The following CALD1 variants were observed in gnomAD, a reference collection of about 807,000 sequenced individuals.
CALD1 encodes caldesmon 1, also known as caldesmon.
A neutral mutation model predicts 99.9 loss-of-function variants in CALD1; 33 were observed. The observed-to-expected ratio is 0.33, with a 90% CI of 0.25 to 0.44. The LOEUF (loss-of-function observed/expected upper bound fraction) is 0.44. Ranked by LOEUF, CALD1 falls within the 20% of genes least tolerant of loss-of-function variation. The pLI, the probability that CALD1 is intolerant of heterozygous loss-of-function variation, is 1.00. For synonymous variants in CALD1, 310 were observed against 325.0 expected (o/e 0.95, Z 0.50); for missense variants, 861 against 962.1 (o/e 0.89, Z 1.39).
intron 1 of CALD1, chr7:134,744,421 ATTTAT>A (rs1006322592): frequency 4.7e-5 from 7 of 150,030 alleles, no homozygotes; most frequent in Non-Finnish European, 5.9e-5. Flanking sequence ...GGTTTTAAAC[ATTTAT>A]TTTATTTTTT....
chr7:134,899,623 T>C (rs4732067), intron 3 of CALD1, among the ~76,000 whole-genome samples: 18,358 of 141,354 alleles, frequency 0.13, 1,297 homozygotes, highest in East Asian at 0.3. Flanking sequence ...TGTCTGTTTA[T>C]TGATCTTTCT....
At chr7:134,855,490 A>C (rs1449338345) in intron 2 of CALD1, among the ~76,000 whole-genome samples, 1 of 152,256 alleles carries the variant, frequency 6.6e-6, no homozygotes, top group African/African-American at 2.4e-5. Context: ...AACATTCCCA[A>C]AGAAACAAAG....
At chr7:134,911,735 C>T (rs560989122) in intron 3 of CALD1, among the ~76,000 whole-genome samples, 5 of 152,280 alleles carry the variant, frequency 3.3e-5, no homozygotes, top group South Asian at 2.1e-4. Context: ...TGTTTTAATG[C>T]CATATGCCTT....
At chr7:134,894,087 C>A (rs78446325) in intron 3 of CALD1, among the ~76,000 whole-genome samples, 214 of 152,244 alleles carry the variant, frequency 1.4e-3, no homozygotes, top group Non-Finnish European at 2.5e-3. Context: ...GATAAGCTGT[C>A]CATTTGCATT....
chr7:134,806,306 C>T (rs542695638), intron 1 of CALD1, among the ~76,000 whole-genome samples: 8 of 151,032 alleles, frequency 5.3e-5, no homozygotes, highest in Non-Finnish European at 1.2e-4. Flanking sequence ...GGTTTTTCTC[C>T]CCCCAGCCCA....
At chr7:134,929,669 T>TATATAC (rs1243428900) in intron 4 of CALD1, among the ~76,000 whole-genome samples, 1 of 123,180 alleles carries the variant, frequency 8.1e-6, no homozygotes. Flanking sequence ...TATATATATA[T>TATATAC]ACACCACATT....
intron 3 of CALD1, among the ~76,000 whole-genome samples, chr7:134,926,249 C>G (rs74619726): frequency 0.016 from 2,497 of 152,230 alleles, 59 homozygotes; most frequent in African/African-American, 0.057. Flanking sequence ...TTGTCACACA[C>G]AAGAAAATTT....
chr7:134,958,872 AATATATATATAT>A (rs58837080), intron 11 of CALD1, among the ~76,000 whole-genome samples: 30,703 of 124,714 alleles, frequency 0.25, 3,951 homozygotes, highest in East Asian at 0.36. Context: ...CTGGTATTTA[AATATATATATAT>A]ATATATATAT....
intron 1 of CALD1, among the ~76,000 whole-genome samples, chr7:134,758,504 GTGTGT>G (rs1796748727): frequency 1.4e-5 from 1 of 73,128 alleles, no homozygotes; most frequent in Non-Finnish European, 2.8e-5. Context: ...CCATTGGGGT[GTGTGT>G]GTGTGTGTGT....
chr7:134,968,259 T>C (rs945311904), intron 14 of CALD1, 81 bp from the exon 15 acceptor site: 3 of 1,198,756 alleles, frequency 2.5e-6, no homozygotes, highest in Non-Finnish European at 3.7e-6. Flanking sequence ...CTTCTGACTA[T>C]AAAAACCATC....
At chr7:134,787,049 C>T (rs976145321) in intron 1 of CALD1, among the ~76,000 whole-genome samples, 1 of 152,176 alleles carries the variant, frequency 6.6e-6, no homozygotes, top group Non-Finnish European at 1.5e-5. Context: ...GTGCACCTAT[C>T]GTTAAAATAA....
At chr7:134,717,714 G>T in the CALD1 span, among the ~76,000 whole-genome samples, 3 of 152,120 alleles carry the variant, frequency 2.0e-5, no homozygotes, top group Non-Finnish European at 4.4e-5. Context: ...CTTGAAAGAA[G>T]GCACAATTAT....
intron 1 of CALD1, among the ~76,000 whole-genome samples, chr7:134,821,110 G>A (rs1798755909): frequency 6.6e-6 from 1 of 152,086 alleles, no homozygotes; most frequent in Admixed American, 6.6e-5. Context: ...CCATGTAAAT[G>A]TTACATACCT....
chr7:134,818,957 G>A (rs1379580315), intron 1 of CALD1, among the ~76,000 whole-genome samples: 2 of 152,178 alleles, frequency 1.3e-5, no homozygotes, highest in African/African-American at 2.4e-5. Context: ...CCATGGGTGT[G>A]AGGTAGAGAT....
At chr7:134,853,855 C>T (rs1237938624) in intron 2 of CALD1, among the ~76,000 whole-genome samples, 4 of 125,194 alleles carry the variant, frequency 3.2e-5, no homozygotes, top group Middle Eastern at 8.9e-3. Context: ...CCATCCCTCC[C>T]GTAGCCCCCC....
chr7:134,744,850 C>T (rs539124852), intron 1 of CALD1, among the ~76,000 whole-genome samples: 1 of 152,134 alleles, frequency 6.6e-6, no homozygotes, highest in East Asian at 1.9e-4. Flanking sequence ...GGAAGCCTCT[C>T]CTGGAGAAAA....
chr7:134,803,764 C>T lies in CALD1; in HGVS notation c.-130+24015C>T, dbSNP rs578024064. On this transcript the variant is annotated intron_variant, in intron 1 of 14. Transcript: ENST00000361675. ...AGGCTGGAGTGCAGTGGCACAATCT[C>T]GGCTCGCTGCAACCTTCGCCTCCTG... is the stretch of plus-strand genomic sequence containing the variant. Among the ~76,000 whole-genome samples the T allele has an allele frequency of 2.2e-4, 33 of 150,108 alleles. 1 individual carries two copies. In the South Asian group the frequency reaches 5.3e-3, roughly 24 times the overall value.
At chr7:134,885,919 T>A (rs1586200492) in intron 3 of CALD1, among the ~76,000 whole-genome samples, 1 of 151,768 alleles carries the variant, frequency 6.6e-6, no homozygotes, top group South Asian at 2.1e-4. Context: ...TTCAAGAAAT[T>A]GTTAGAGCCC....
chr7:134,800,930 C>G (rs1010717637), intron 1 of CALD1, among the ~76,000 whole-genome samples: 3 of 151,754 alleles, frequency 2.0e-5, no homozygotes, highest in Non-Finnish European at 4.4e-5. Flanking sequence ...ATTTTTAGAC[C>G]CTATGTAATG....
Sources: allele counts gnomAD v4.1 joint callset (sites outside exome capture counted in the v4.1 genomes callset), GRCh38; gene constraint gnomAD v4.1.1; transcripts MANE v1.5; gene names NCBI Gene and HGNC (gene_info 2026-07-23, HGNC 2026-07-21).